CA10: variants seen among roughly 807,000 people sequenced by gnomAD.
CA10 encodes carbonic anhydrase-related protein 10.
CA10 carries 14 observed loss-of-function variants against 44.2 expected under a neutral mutation model. The observed-to-expected ratio is 0.32, with a 90% CI of 0.21 to 0.50. CA10 has a LOEUF of 0.50. Ranked by LOEUF, CA10 falls within the 20% of genes least tolerant of loss-of-function variation. The probability of loss-of-function intolerance (pLI) is 0.99; values close to 1 mark genes in which losing one functional copy is unlikely to be tolerated. For synonymous variants in CA10, 159 were observed against 141.6 expected (o/e 1.12, Z -0.87); for missense variants, 350 against 409.7 (o/e 0.85, Z 1.26).
chr17:51,690,236 C>G lies in CA10; in HGVS notation c.466-36500G>C, dbSNP rs545463996. On this transcript the variant is annotated intron_variant, in intron 4 of 8. Coordinates refer to ENST00000451037, the MANE Select transcript of CA10 (RefSeq NM_020178.5). The stretch of plus-strand genomic sequence containing the variant: ...GTGCTGGGATTACAGGCGTGAGCCA[C>G]CATGCCTCGGCCCCTCTCTTAGCAA... Among the ~76,000 whole-genome samples the G allele has an allele frequency of 1.7e-3, 252 of 152,334 alleles. 1 individual carries two copies. The highest frequency in any genetic ancestry group is 5.9e-3 in the African/African-American group (244 of 41,564).
chr17:51,704,288 G>A (rs1915693226), intron 4 of CA10, among the ~76,000 whole-genome samples: 1 of 152,104 alleles, frequency 6.6e-6, no homozygotes, highest in Non-Finnish European at 1.5e-5. Flanking sequence ...TACTAAATAT[G>A]ACATAACCAA....
At chr17:51,928,255 GA>G (rs1200655823) in intron 3 of CA10, among the ~76,000 whole-genome samples, 1 of 152,064 alleles carries the variant, frequency 6.6e-6, no homozygotes, top group East Asian at 1.9e-4. Flanking sequence ...AACACAGTTT[GA>G]ACTGCATTTT....
At chr17:51,673,896 A>T (rs1182306018) in intron 4 of CA10, among the ~76,000 whole-genome samples, 1 of 152,202 alleles carries the variant, frequency 6.6e-6, no homozygotes, top group Non-Finnish European at 1.5e-5. Context: ...GGCCATGCCA[A>T]GCCACTGCAT....
intron 3 of CA10, among the ~76,000 whole-genome samples, chr17:51,885,557 C>A (rs1980561410): frequency 6.6e-6 from 1 of 152,220 alleles, no homozygotes; most frequent in African/African-American, 2.4e-5. Flanking sequence ...CAGCTCAGTT[C>A]TCACTCTGAA....
intron 3 of CA10, among the ~76,000 whole-genome samples, chr17:51,878,911 TGTA>T (rs1980235668): frequency 7.9e-6 from 1 of 126,906 alleles, no homozygotes; most frequent in African/African-American, 3.0e-5. Flanking sequence ...TGTGTGTGTG[TGTA>T]TGTGTGTATG....
rs541388445 is a variant in CA10, at chr17:51,752,992, C to T, written c.280-5174G>A. On this transcript the variant is annotated intron_variant, in intron 3 of 8. Transcript: ENST00000451037. ...TATGTTGGGGATTTTCATTTCTTCTCCAGTCTCTATTTGCAGATCTTAGGC... is the reference window on the plus strand; with the variant it reads ...TATGTTGGGGATTTTCATTTCTTCTTCAGTCTCTATTTGCAGATCTTAGGC... Among the ~76,000 whole-genome samples the T allele has an allele frequency of 6.6e-5, 10 of 152,168 alleles. No individual in the cohort carries two copies. In the East Asian group the frequency reaches 1.9e-3, roughly 29 times the overall value.
intron 3 of CA10, among the ~76,000 whole-genome samples, chr17:51,876,160 G>GT (rs3033579): frequency 0.028 from 1,666 of 59,808 alleles, 73 homozygotes; most frequent in African/African-American, 0.048. Context: ...TTCTTCTCTC[G>GT]TTTTTTTTTT....
At chr17:51,855,367 C>A (rs1598083741) in intron 3 of CA10, among the ~76,000 whole-genome samples, 1 of 152,156 alleles carries the variant, frequency 6.6e-6, no homozygotes, top group African/African-American at 2.4e-5. Flanking sequence ...TTGTAATATG[C>A]ACCATCCTTT....
intron 3 of CA10, among the ~76,000 whole-genome samples, chr17:51,907,906 T>G (rs1981628173): frequency 6.6e-6 from 1 of 152,172 alleles, no homozygotes; most frequent in South Asian, 2.1e-4. Flanking sequence ...GAACCTGATC[T>G]GTAAAACCTT....
Position 52,145,163 on chromosome 17 carries a change from C to A in CA10, c.61+12563G>T, listed in dbSNP as rs572201613. Among the ~76,000 whole-genome samples the A allele has an allele frequency of 5.3e-5, 8 of 152,202 alleles. No homozygotes were observed. The East Asian group carries it at 9.7e-4, about 18-fold the overall frequency. On this transcript the variant is annotated intron_variant, in intron 1 of 8. Coordinates refer to ENST00000451037, the MANE Select transcript of CA10 (RefSeq NM_020178.5). Reference sequence around the variant, plus strand: ...TATTTGGGTTATTTTTCTCATAATGCCTTATCATATGATTGCCCATATAGA... The same window carrying A: ...TATTTGGGTTATTTTTCTCATAATGACTTATCATATGATTGCCCATATAGA...
intron 4 of CA10, among the ~76,000 whole-genome samples, chr17:51,722,094 G>T (rs1019361595): frequency 6.6e-6 from 1 of 152,054 alleles, no homozygotes; most frequent in African/African-American, 2.4e-5. Flanking sequence ...GTTAACTTTA[G>T]GTAGATAAAT....
At chr17:51,940,660 C>T (rs1452328999) in intron 2 of CA10, among the ~76,000 whole-genome samples, 2 of 145,554 alleles carry the variant, frequency 1.4e-5, no homozygotes, top group East Asian at 4.3e-4. Context: ...AGACGTCAAA[C>T]TAACTTGTTC....
At chr17:51,758,606 G>C (rs373284898) in intron 3 of CA10, among the ~76,000 whole-genome samples, 2 of 152,232 alleles carry the variant, frequency 1.3e-5, no homozygotes, top group African/African-American at 4.8e-5. Flanking sequence ...ACTTCAGAGA[G>C]TGGTATCTGG....
intron 3 of CA10, among the ~76,000 whole-genome samples, chr17:51,878,527 T>C (rs148686144): frequency 1.8e-3 from 267 of 152,202 alleles, no homozygotes; most frequent in African/African-American, 6.3e-3. Context: ...TCCCTGGCTC[T>C]GATCTAACTG....
At chr17:51,905,525 CCTT>C (rs1376707095) in intron 3 of CA10, among the ~76,000 whole-genome samples, 4 of 133,974 alleles carry the variant, frequency 3.0e-5, no homozygotes, top group African/African-American at 1.2e-4. Context: ...CCCTATCAGT[CCTT>C]TTTTTTTTTT....
chr17:51,898,027 T>G (rs568702578), intron 3 of CA10, among the ~76,000 whole-genome samples: 1 of 152,288 alleles, frequency 6.6e-6, no homozygotes, highest in African/African-American at 2.4e-5. Flanking sequence ...ATAGTTGGAC[T>G]TATGCTCTTC....
intron 3 of CA10, among the ~76,000 whole-genome samples, chr17:51,776,172 C>T (rs980851938): frequency 6.6e-6 from 1 of 151,998 alleles, no homozygotes; most frequent in Non-Finnish European, 1.5e-5. Context: ...CCAGCCTGAC[C>T]AACGTGGCAA....
chr17:52,140,619 G>A (rs1989457512), intron 1 of CA10, among the ~76,000 whole-genome samples: 1 of 152,190 alleles, frequency 6.6e-6, no homozygotes, highest in Non-Finnish European at 1.5e-5. Flanking sequence ...TGGTCAGTGG[G>A]CCACTGTTTG....
chr17:52,118,116 TA>T (rs1988937222), intron 1 of CA10, among the ~76,000 whole-genome samples: 1 of 152,142 alleles, frequency 6.6e-6, no homozygotes, highest in Non-Finnish European at 1.5e-5. Context: ...TTAAACTGGT[TA>T]AGATAAGATA....
Sources: gnomAD v4.1 joint callset for allele counts (sites outside exome capture counted in the v4.1 genomes callset) on GRCh38, gnomAD v4.1.1 for gene constraint, MANE v1.5 for transcripts, NCBI Gene and HGNC (gene_info 2026-07-23, HGNC 2026-07-21) for gene names.